F13A1: variants seen among roughly 807,000 people sequenced by gnomAD.
F13A1 encodes the protein coagulation factor XIII A chain, also known as FSF, A subunit.
A neutral mutation model predicts 80.1 loss-of-function variants in F13A1; 47 were observed. The observed-to-expected ratio is 0.59, with a 90% confidence interval of 0.46 to 0.75. The LOEUF is 0.75. Ranked by LOEUF, F13A1 falls within the 30% of genes least tolerant of loss-of-function variation. The pLI, the probability that F13A1 is intolerant of heterozygous loss-of-function variation, is 0.00. For synonymous variants in F13A1, 349 were observed against 344.9 expected, an observed-to-expected ratio of 1.01 and a Z score of -0.13; for missense variants, 817 against 930.4, an observed-to-expected ratio of 0.88 and a Z score of 1.59.
At chr6:6,156,228 T>C (rs1760476397) in intron 13 of F13A1, among the ~76,000 whole-genome samples, 1 of 152,252 alleles carries the variant, frequency 6.6e-6, no homozygotes, top group South Asian at 2.1e-4. Context: ...ATATTGACAT[T>C]CCTGTCCTTT....
At chr6:6,301,511 C>T (rs573847709) in intron 3 of F13A1, among the ~76,000 whole-genome samples, 44 of 152,288 alleles carry the variant, frequency 2.9e-4, no homozygotes, top group African/African-American at 5.8e-4. Context: ...TAACTCTGAA[C>T]GCACACATCA....
Position 6,266,726 on chromosome 6 carries a change from T to A in F13A1, c.403A>T (p.Ile135Phe). 1 of 1,614,198 alleles carries A rather than the reference T, an allele frequency of 6.2e-7. No individual in the cohort carries two copies. Among genetic ancestry groups the A allele is most frequent in the Non-Finnish European group, 8.5e-7 (1 of 1,180,024 alleles). ...ACAGACCTGTCCTCTCTCATGACAATCTTGGCCCCCCACTTTCCACTTTGT... is the reference window on the plus strand; with the variant it reads ...ACAGACCTGTCCTCTCTCATGACAAACTTGGCCCCCCACTTTCCACTTTGT... Reference protein sequence around the residue: ...ELQSGKWGAKIVMREDRSVRL... With the variant: ...ELQSGKWGAKFVMREDRSVRL... The change falls in exon 4 of 15, where the codon ATT (isoleucine) becomes TTT (phenylalanine). Residue 135 changes from isoleucine to phenylalanine, a missense_variant. By Grantham distance (21) the Ile-to-Phe change is conservative. Transcript: ENST00000264870.
intron 3 of F13A1, among the ~76,000 whole-genome samples, chr6:6,270,357 C>G (rs1477512385): frequency 6.6e-6 from 1 of 152,174 alleles, no homozygotes; most frequent in Non-Finnish European, 1.5e-5. Context: ...GTAGGTCAAC[C>G]TTTAGTTTCC....
chr6:6,191,297 G>A (rs1761193692), intron 10 of F13A1, among the ~76,000 whole-genome samples: 1 of 152,140 alleles, frequency 6.6e-6, no homozygotes, highest in African/African-American at 2.4e-5. Context: ...TCGGGCTGGT[G>A]GATAGATTGG....
intron 12 of F13A1, 128 bp from the exon 13 acceptor site, chr6:6,167,746 G>A (rs1019889513): frequency 1.7e-5 from 17 of 1,006,624 alleles, no homozygotes; most frequent in South Asian, 6.9e-5. Context: ...AAAGGTAAGG[G>A]GCAAGTGGAA....
chr6:6,289,586 C>A (rs1409700308), intron 3 of F13A1, among the ~76,000 whole-genome samples: 1 of 151,970 alleles, frequency 6.6e-6, no homozygotes. Context: ...ATTTTTTTCC[C>A]CCTTGAGTCT....
chr6:6,148,992 T>TAA (rs67577432), intron 14 of F13A1, among the ~76,000 whole-genome samples: 7,230 of 147,016 alleles, frequency 0.049, 569 homozygotes, highest in African/African-American at 0.17. Flanking sequence ...ATGTAGACAC[T>TAA]AAAAAAAAAA....
chr6:6,225,010 T>C (rs1323272770), intron 6 of F13A1, 150 bp from the exon 7 acceptor site: 3 of 848,306 alleles, frequency 3.5e-6, no homozygotes, highest in Non-Finnish European at 5.6e-6. Flanking sequence ...TACCATTACA[T>C]TGTTAGAAAA....
At chr6:6,220,482 G>C (rs1446366877) in intron 8 of F13A1, among the ~76,000 whole-genome samples, 1 of 152,062 alleles carries the variant, frequency 6.6e-6, no homozygotes, top group African/African-American at 2.4e-5. Context: ...TTGATGATGG[G>C]AGGTACCTGA....
chr6:6,273,820 G>T (rs1204424277), intron 3 of F13A1, among the ~76,000 whole-genome samples: 1 of 152,176 alleles, frequency 6.6e-6, no homozygotes, highest in African/African-American at 2.4e-5. Flanking sequence ...TGGAAAGGGA[G>T]TGTGCTGAGA....
At chr6:6,264,880 G>T (rs1028868073) in intron 4 of F13A1, among the ~76,000 whole-genome samples, 1 of 152,136 alleles carries the variant, frequency 6.6e-6, no homozygotes, top group African/African-American at 2.4e-5. Flanking sequence ...TCATAGATAG[G>T]AGTGTTGGGT....
At chr6:6,198,819 ATTAAT>A (rs1441517380) in intron 8 of F13A1, among the ~76,000 whole-genome samples, 8 of 152,216 alleles carry the variant, frequency 5.3e-5, no homozygotes, top group African/African-American at 4.8e-5. Flanking sequence ...TTGAAAAATA[ATTAAT>A]TTAAATGATC....
intron 3 of F13A1, among the ~76,000 whole-genome samples, chr6:6,285,844 C>G (rs1333008491): frequency 6.6e-6 from 1 of 152,228 alleles, no homozygotes; most frequent in African/African-American, 2.4e-5. Flanking sequence ...CCCAATAAAA[C>G]CTCAGCAGTT....
chr6:6,219,950 G>T (rs575481158), intron 8 of F13A1, among the ~76,000 whole-genome samples: 2 of 152,136 alleles, frequency 1.3e-5, no homozygotes, highest in East Asian at 3.9e-4. Flanking sequence ...TGTTATGCTC[G>T]GCTCTGTGAT....
chr6:6,155,695 CCTTG>C (rs1168020386), intron 13 of F13A1, among the ~76,000 whole-genome samples: 1 of 152,166 alleles, frequency 6.6e-6, no homozygotes, highest in Admixed American at 6.6e-5. Flanking sequence ...GTCTCCCTCT[CCTTG>C]CTTCTTTTGA....
intron 10 of F13A1, among the ~76,000 whole-genome samples, chr6:6,185,536 A>G (rs1286301390): frequency 5.9e-5 from 9 of 151,838 alleles, no homozygotes; most frequent in African/African-American, 2.2e-4. Context: ...CCATGTCCCT[A>G]CAAAGGACAT....
intron 11 of F13A1, among the ~76,000 whole-genome samples, chr6:6,179,395 T>A (rs1407648995): frequency 6.6e-6 from 1 of 152,224 alleles, no homozygotes; most frequent in Non-Finnish European, 1.5e-5. Context: ...CTAAATCTAG[T>A]AATAATTTGT....
At chr6:6,205,942 T>G (rs1342707074) in intron 8 of F13A1, among the ~76,000 whole-genome samples, 1 of 152,174 alleles carries the variant, frequency 6.6e-6, no homozygotes, top group Admixed American at 6.5e-5. Flanking sequence ...CTGGGTTCAT[T>G]TTGAAAATGA....
chr6:6,232,122 A>G (rs976707512), intron 6 of F13A1, among the ~76,000 whole-genome samples: 1 of 152,210 alleles, frequency 6.6e-6, no homozygotes, highest in African/African-American at 2.4e-5. Flanking sequence ...TTGAATGTAA[A>G]TGGCCTAAAT....
Sources: gnomAD v4.1 joint callset for allele counts (sites outside exome capture counted in the v4.1 genomes callset) on GRCh38, gnomAD v4.1.1 for gene constraint, MANE v1.5 for transcripts, NCBI Gene and HGNC (gene_info 2026-07-23, HGNC 2026-07-21) for gene names.